The following NEK5 variants were observed in gnomAD, a reference collection of about 807,000 sequenced individuals.
The protein encoded by NEK5 is serine/threonine-protein kinase Nek5.
Under a neutral mutation model 109.2 loss-of-function variants are expected in NEK5, and 88 were observed. The observed-to-expected ratio is 0.81, with a 90% CI of 0.68 to 0.96. The LOEUF (loss-of-function observed/expected upper bound fraction) is 0.96, where lower values mean the gene tolerates loss of function less well. Among genes scored for constraint, NEK5 ranks in the 40% least tolerant of loss-of-function variants. The pLI is 0.00. For synonymous variants in NEK5, 283 were observed against 299.9 expected, an observed-to-expected ratio of 0.94 and a Z score of 0.58; for missense variants, 834 against 920.7, an observed-to-expected ratio of 0.91 and a Z score of 1.22.
At chr13:52,125,782 TG>T (rs1956054344) in intron 3 of NEK5, among the ~76,000 whole-genome samples, 1 of 152,018 alleles carries the variant, frequency 6.6e-6, no homozygotes, top group Non-Finnish European at 1.5e-5. Context: ...GAGATAAGCC[TG>T]AGGGAGAGCA....
At position 52,061,855 on chromosome 13, in the gene NEK5, G is replaced by A; in HGVS notation, c.2074C>T (p.Leu692=). 1.0e-6 allele frequency: 1 copy of A among 985,830 alleles called. No individual in the cohort carries two copies. Among genetic ancestry groups the A allele is most frequent in the Non-Finnish European group, 1.2e-6 (1 of 829,906 alleles). The allele number at this position is 985,830 out of a possible 1,614,324, so 61.1% of individuals were successfully genotyped here. A position where few individuals can be genotyped will look rare whatever the true frequency, so the allele number is the denominator to read the frequency against. ...TLMSVLAAAH[L]TSSSFSADEE... ...TCGGCAGAAAATGAGCTACTCGTTA[G>A]ATGTGCTGCTGCCAAAACACTCATT... Residue 692 remains leucine (L), a synonymous_variant, in exon 22 of 24, where the codon CTA becomes TTA. Coordinates refer to ENST00000684899, the MANE Select transcript of NEK5 (RefSeq NM_001365552.1).
At chr13:52,108,191 A>G (rs1955689805) in intron 8 of NEK5, 127 bp downstream of exon 8, 1 of 627,608 alleles carries the variant, frequency 1.6e-6, no homozygotes, top group Non-Finnish European at 2.8e-6. Flanking sequence ...TCACACATGA[A>G]GCAAATGAAA....
In NEK5 at chr13:52,110,489, G is replaced by A. The variant is rs769336549; in HGVS notation, c.396+5C>T. The stretch of plus-strand genomic sequence containing the variant: ...TCTGTCTTAGTCTTCTCTCTGAGCT[G>A]TTACCTGAGCTTTTATGTCCCTGTG... On this transcript the variant is annotated splice_donor_5th_base_variant and intron_variant, in intron 6 of 23. Coordinates refer to ENST00000684899, the MANE Select transcript of NEK5 (RefSeq NM_001365552.1). 6.2e-7 allele frequency: 1 copy of A among 1,607,566 alleles called. No individual in the cohort carries two copies. The highest frequency in any genetic ancestry group is 1.1e-5 in the South Asian group (1 of 90,908).
At position 52,037,177 on chromosome 13, in the gene NEK5, A is replaced by C; in HGVS notation, c.2270T>G (p.Val757Gly). 1 of 984,838 alleles carries C rather than the reference A, an allele frequency of 1.0e-6. No homozygotes were observed. Among genetic ancestry groups the C allele is most frequent in the African/African-American group, 1.7e-5 (1 of 57,356 alleles). 61.0% of individuals were successfully genotyped at this position (984,838 alleles called of 1,614,324 possible). A position where few individuals can be genotyped will look rare whatever the true frequency, so the allele number is the denominator to read the frequency against. ...ESEDELRDEV[V>G]EYLEKLATFK... ...AGTAGCGAGTTTTTCTAAGTATTCT[A>C]CTACTTCATCTCTCAACTCATCTTC... The change falls in exon 24 of 24, where the codon GTA (valine) becomes GGA (glycine). Residue 757 changes from valine to glycine, a missense_variant. Transcript: ENST00000684899.
intron 21 of NEK5, among the ~76,000 whole-genome samples, chr13:52,063,466 T>C (rs1268768312): frequency 2.4e-4 from 37 of 152,184 alleles, no homozygotes; most frequent in Middle Eastern, 6.8e-3. Flanking sequence ...CCCAAAGTGC[T>C]GAGATTGCAG....
rs1166131083 is a variant in NEK5 at position 52,104,562 on chromosome 13, A to T, written c.555-10T>A. On this transcript the variant is annotated splice_polypyrimidine_tract_variant and intron_variant, in intron 8 of 23. Transcript: ENST00000684899. ...AAGAGACCAAATATCCCTAAAGAAGATAAGAGTTTACATGCCAAGAAAATA... is the reference window on the plus strand; with the variant it reads ...AAGAGACCAAATATCCCTAAAGAAGTTAAGAGTTTACATGCCAAGAAAATA... The T allele has an allele frequency of 3.8e-6, 6 of 1,588,602 alleles. No homozygotes were observed. Among genetic ancestry groups the T allele is most frequent in the Non-Finnish European group, 5.2e-6 (6 of 1,157,156 alleles).
At position 52,052,482 on chromosome 13, in the gene NEK5, A is replaced by G. The variant is rs1223375357; in HGVS notation, c.2111-2261T>C. ...CTCACAGAGTAGCTTGACTGGCATT[A>G]GGTTACCCACCAGCCTCAGGGGAAC... On this transcript the variant is annotated intron_variant, in intron 22 of 23. Transcript: ENST00000684899. 2.6e-5 allele frequency among the ~76,000 whole-genome samples: 4 copies of G among 152,254 alleles called. No homozygotes were observed. In the East Asian group the frequency reaches 7.7e-4, roughly 29 times the overall value.
chr13:52,119,211 C>T, intron 4 of NEK5, 108 bp downstream of exon 4: 1 of 473,960 alleles, frequency 2.1e-6, no homozygotes. Flanking sequence ...GGGAAATGAC[C>T]CATTTACAAA....
intron 19 of NEK5, among the ~76,000 whole-genome samples, chr13:52,075,266 A>G (rs1351639805): frequency 6.6e-6 from 1 of 152,180 alleles, no homozygotes; most frequent in East Asian, 1.9e-4. Flanking sequence ...TGTGGTACAT[A>G]TACACCATGG....
chr13:52,083,774 G>A (rs1955062904), intron 16 of NEK5, among the ~76,000 whole-genome samples: 1 of 152,132 alleles, frequency 6.6e-6, no homozygotes, highest in Non-Finnish European at 1.5e-5. Context: ...CCGACCTCGT[G>A]ATCCGCCCAC....
In NEK5 at chr13:52,122,388, T is replaced by C. The variant is rs1955987352; in HGVS notation, c.118-2973A>G. Among the ~76,000 whole-genome samples, 3 of 152,148 alleles carry C rather than the reference T, an allele frequency of 2.0e-5. No homozygotes were observed. The South Asian group carries it at 6.2e-4, about 31-fold the overall frequency. The stretch of plus-strand genomic sequence containing the variant: ...TTAGTGTGAACACATTTAATATCAT[T>C]AAATGACAACATTTTATTATATAAA... On this transcript the variant is annotated intron_variant, in intron 3 of 23. Coordinates refer to ENST00000684899, the MANE Select transcript of NEK5 (RefSeq NM_001365552.1).
chr13:52,075,350 A>G (rs376856760), intron 19 of NEK5, among the ~76,000 whole-genome samples: 2 of 152,218 alleles, frequency 1.3e-5, no homozygotes, highest in Admixed American at 1.3e-4. Context: ...TACTATCCTA[A>G]GCAAATTACA....
At chr13:52,064,322 C>G (rs1954649610) in intron 21 of NEK5, among the ~76,000 whole-genome samples, 1 of 137,580 alleles carries the variant, frequency 7.3e-6, no homozygotes, top group Non-Finnish European at 1.6e-5. Context: ...AGCCCCTCTG[C>G]CTGGCCAGCC....
intron 20 of NEK5, among the ~76,000 whole-genome samples, chr13:52,068,466 TACACACACACAC>T (rs5803591): frequency 3.2e-4 from 48 of 148,238 alleles, no homozygotes; most frequent in African/African-American, 9.4e-4. Context: ...AATACACAAA[TACACACACACAC>T]ACACACACAC....
chr13:52,073,505 T>C (rs938962313), intron 19 of NEK5, among the ~76,000 whole-genome samples: 12 of 151,990 alleles, frequency 7.9e-5, no homozygotes, highest in Admixed American at 2.6e-4. Flanking sequence ...TTAGTAGAGA[T>C]GGGGTTTCAC....
intron 20 of NEK5, among the ~76,000 whole-genome samples, chr13:52,068,604 A>G (rs945096980): frequency 6.6e-6 from 1 of 152,218 alleles, no homozygotes; most frequent in African/African-American, 2.4e-5. Context: ...AGTCTTATAA[A>G]GAAAAAAACA....
chr13:52,098,476 A>G (rs1482687787), intron 12 of NEK5, among the ~76,000 whole-genome samples: 1 of 152,170 alleles, frequency 6.6e-6, no homozygotes, highest in African/African-American at 2.4e-5. Context: ...TTCTTTAATT[A>G]AAAGACAGTA....
intron 1 of NEK5, among the ~76,000 whole-genome samples, chr13:52,128,157 C>A (rs1358233198): frequency 6.6e-6 from 1 of 152,054 alleles, no homozygotes; most frequent in Admixed American, 6.5e-5. Context: ...TATTTTACAT[C>A]GAAATGCTAA....
At chr13:52,050,040 T>C in intron 23 of NEK5, 64 bp downstream of exon 23, 1 of 541,306 alleles carries the variant, frequency 1.8e-6, no homozygotes, top group South Asian at 8.1e-5. Context: ...TTTGAATGTC[T>C]CAACTGCAGC....
Sources: allele counts gnomAD v4.1 joint callset (sites outside exome capture counted in the v4.1 genomes callset), GRCh38; gene constraint gnomAD v4.1.1; transcripts MANE v1.5; gene names NCBI Gene and HGNC (gene_info 2026-07-23, HGNC 2026-07-21).